The following LRP5 variants were observed in gnomAD, a reference collection of about 807,000 sequenced individuals.
LRP5 encodes the protein LDL receptor related protein 5, also known as low-density lipoprotein receptor-related protein 5.
A neutral mutation model predicts 154.1 loss-of-function variants in LRP5; 62 were observed. The observed-to-expected ratio is 0.40, with a 90% CI of 0.33 to 0.50. LRP5 has a LOEUF of 0.50. Among genes scored for constraint, LRP5 ranks in the 20% least tolerant of loss-of-function variants. LRP5 has a pLI of 0.55. For synonymous variants in LRP5, 966 were observed against 1,011.5 expected, an observed-to-expected ratio of 0.96 and a Z score of 0.85; for missense variants, 1,915 against 2,336.7, an observed-to-expected ratio of 0.82 and a Z score of 3.72.
the LRP5 span, among the ~76,000 whole-genome samples, chr11:68,305,315 C>G: frequency 6.6e-5 from 10 of 151,958 alleles, no homozygotes; most frequent in Non-Finnish European, 1.3e-4. Flanking sequence ...CTGCCTTCCA[C>G]GATGAGTAAA....
intron 1 of LRP5, among the ~76,000 whole-genome samples, chr11:68,343,699 C>A (rs75603742): frequency 8.5e-4 from 130 of 152,230 alleles, no homozygotes; most frequent in African/African-American, 2.9e-3. Context: ...CTCTGGGTCT[C>A]ACACACAACT....
chr11:68,304,821 A>C, the LRP5 span, among the ~76,000 whole-genome samples: 152,365 of 152,382 alleles, frequency 1, 76,174 homozygotes, highest in Middle Eastern at 1. Context: ...TTCTTTTGAC[A>C]GATTTCTCCC....
intron 5 of LRP5, among the ~76,000 whole-genome samples, chr11:68,371,732 G>A (rs529786141): frequency 1.0e-4 from 16 of 152,388 alleles, no homozygotes; most frequent in African/African-American, 3.6e-4. Context: ...TGAAGAAAAC[G>A]TGAAATTCTG....
intron 13 of LRP5, among the ~76,000 whole-genome samples, chr11:68,421,713 T>TGTGTGTGTGTG (rs879487618): frequency 7.0e-6 from 1 of 143,050 alleles, no homozygotes; most frequent in Non-Finnish European, 1.6e-5. Flanking sequence ...TGTGTGTGTG[T>TGTGTGTGTGTG]GTGTGTGTGT....
intron 12 of LRP5, 23 bp from the exon 13 acceptor site, chr11:68,416,305 A>G (rs2098662512): frequency 6.2e-7 from 1 of 1,609,862 alleles, no homozygotes. Context: ...ACCCACCTGC[A>G]GCCCTGTCTT....
intron 13 of LRP5, among the ~76,000 whole-genome samples, chr11:68,421,784 GTGT>G (rs2153172124): frequency 8.7e-6 from 1 of 114,932 alleles, no homozygotes; most frequent in South Asian, 2.4e-4. Context: ...ATCTGGGGGT[GTGT>G]GTGTGTGGGG....
intron 1 of LRP5, among the ~76,000 whole-genome samples, chr11:68,343,843 T>G (rs2098610562): frequency 6.6e-6 from 1 of 152,020 alleles, no homozygotes; most frequent in African/African-American, 2.4e-5. Context: ...ATCTCATCCT[T>G]TGGTGCACCT....
chr11:68,445,806 T>C lies in LRP5; in HGVS notation c.4489-630T>C, dbSNP rs574800503. The C allele has an allele frequency of 1.9e-3, 1,034 of 531,790 alleles. 17 individuals are homozygous for C. The highest frequency in any genetic ancestry group is 0.018 in the South Asian group (1,007 of 55,518). 32.9% of individuals were successfully genotyped at this position (531,790 alleles called of 1,614,324 possible). ...TCACGTGGTGAATTTGTCTATTTACTATCCCCGCTTTGGGGCTGGTGCCAG... is the reference window on the plus strand; with the variant it reads ...TCACGTGGTGAATTTGTCTATTTACCATCCCCGCTTTGGGGCTGGTGCCAG... On this transcript the variant is annotated intron_variant, in intron 21 of 22. Coordinates refer to ENST00000294304, the MANE Select transcript of LRP5 (RefSeq NM_002335.4).
rs748947473 is a variant in LRP5, at chr11:68,423,734, C to T, written c.3236+37C>T. On this transcript the variant is annotated intron_variant, in intron 14 of 22. Coordinates refer to ENST00000294304, the MANE Select transcript of LRP5 (RefSeq NM_002335.4). The surrounding 1 kb of genome is among the most constrained non-coding windows in gnomAD (Gnocchi z 4.7). ...ACGGGTGGGTGGGGGTGCTGCCCGT[C>T]CAGGCGTGCCCGCCGTGTCTTCTGC... 3.8e-6 allele frequency: 6 copies of T among 1,562,634 alleles called. No homozygotes were observed. In the South Asian group the frequency reaches 6.7e-5, roughly 17 times the overall value.
At chr11:68,328,994 C>T (rs768781408) in intron 1 of LRP5, among the ~76,000 whole-genome samples, 8 of 152,124 alleles carry the variant, frequency 5.3e-5, no homozygotes, top group Non-Finnish European at 8.8e-5. Flanking sequence ...TCCGTGAGCC[C>T]GCCCTTCCCA....
At chr11:68,308,935 T>C (rs1309003679), upstream of LRP5, among the ~76,000 whole-genome samples, 1 of 142,816 alleles carries the variant, frequency 7.0e-6, no homozygotes, top group East Asian at 2.0e-4. Context: ...TTTTTTTTTT[T>C]TTTTTTTTTT....
intron 8 of LRP5, among the ~76,000 whole-genome samples, chr11:68,405,534 T>C (rs1009038676): frequency 1.3e-5 from 2 of 150,560 alleles, no homozygotes; most frequent in East Asian, 1.9e-4. Context: ...CTGTGAGTGA[T>C]TGTTCAAAGA....
chr11:68,391,981 A>G (rs1220295845), intron 7 of LRP5, among the ~76,000 whole-genome samples: 1 of 152,106 alleles, frequency 6.6e-6, no homozygotes, highest in African/African-American at 2.4e-5. Context: ...AGCTGGGACT[A>G]CAGACACATA....
intron 5 of LRP5, among the ~76,000 whole-genome samples, chr11:68,368,104 C>G (rs1487112403): frequency 2.0e-5 from 3 of 150,696 alleles, no homozygotes; most frequent in African/African-American, 7.3e-5. Context: ...CCTGGCTAGT[C>G]TGAAAAAGGT....
intron 22 of LRP5, 137 bp from the exon 23 acceptor site, chr11:68,448,672 G>A: frequency 4.8e-6 from 5 of 1,049,704 alleles, no homozygotes; most frequent in Middle Eastern, 5.6e-4. Flanking sequence ...ACACAGCGGG[G>A]TGGGTCCAGA....
Position 68,447,811 on chromosome 11 carries a change from C to T in LRP5, c.4587-998C>T, listed in dbSNP as rs755250768. Among the ~76,000 whole-genome samples the T allele has an allele frequency of 2.6e-5, 4 of 152,122 alleles. No homozygotes were observed. Among genetic ancestry groups the T allele is most frequent in the Non-Finnish European group, 5.9e-5 (4 of 68,032 alleles). On this transcript the variant is annotated intron_variant, in intron 22 of 22. Coordinates refer to ENST00000294304, the MANE Select transcript of LRP5 (RefSeq NM_002335.4). This position sits in a 1 kb window ranked among gnomAD's most constrained non-coding sequence, Gnocchi z 4.3. The stretch of plus-strand genomic sequence containing the variant: ...GGGGCTCCTAAACACACCACAGTTC[C>T]GAGTCTGAACTCACACAGTGGGATG...
At chr11:68,446,823 C>T (rs562875744) in intron 22 of LRP5, among the ~76,000 whole-genome samples, 6 of 152,234 alleles carry the variant, frequency 3.9e-5, no homozygotes, top group East Asian at 1.9e-4. Flanking sequence ...GCTGTGGCGT[C>T]GAGGGGCCGG....
At chr11:68,331,980 G>T (rs1174432754) in intron 1 of LRP5, among the ~76,000 whole-genome samples, 1 of 152,010 alleles carries the variant, frequency 6.6e-6, no homozygotes, top group Non-Finnish European at 1.5e-5. Context: ...GAGAGGGCAG[G>T]TGGGGGCCAA....
At chr11:68,407,305 A>G (rs967037339) in intron 9 of LRP5, among the ~76,000 whole-genome samples, 20 of 151,482 alleles carry the variant, frequency 1.3e-4, no homozygotes, top group Admixed American at 2.6e-4. Flanking sequence ...AGTAGCTGGG[A>G]CTACAGACAT....
Sources: gnomAD v4.1 joint callset for allele counts (sites outside exome capture counted in the v4.1 genomes callset) on GRCh38, gnomAD v4.1.1 for gene constraint, Gnocchi (gnomAD v3.1) non-coding constraint, MANE v1.5 for transcripts, NCBI Gene and HGNC (gene_info 2026-07-23, HGNC 2026-07-21) for gene names.